The following MTUS2 variants were observed in gnomAD, a reference collection of about 807,000 sequenced individuals.
MTUS2 encodes the protein microtubule-associated tumor suppressor candidate 2.
A neutral mutation model predicts 114.1 loss-of-function variants in MTUS2; 40 were observed. The observed-to-expected ratio is 0.35, with a 90% CI of 0.27 to 0.46. The LOEUF (loss-of-function observed/expected upper bound fraction) is 0.46. Ranked by LOEUF, MTUS2 falls within the 20% of genes least tolerant of loss-of-function variation. The pLI is 1.00. For missense variants in MTUS2, 1,679 were observed against 1,705.4 expected, an observed-to-expected ratio of 0.98 and a Z score of 0.27; for synonymous variants, 688 against 672.0, an observed-to-expected ratio of 1.02 and a Z score of -0.37.
intron 4 of MTUS2, among the ~76,000 whole-genome samples, chr13:29,054,651 A>G (rs1009475846): frequency 1.3e-5 from 2 of 152,152 alleles, no homozygotes; most frequent in African/African-American, 2.4e-5. Flanking sequence ...TTAAGCTGGT[A>G]ACTTTTATGA....
At chr13:29,395,159 T>C (rs890300238) in intron 8 of MTUS2, among the ~76,000 whole-genome samples, 6 of 152,240 alleles carry the variant, frequency 3.9e-5, no homozygotes, top group African/African-American at 1.4e-4. Context: ...TGATGTCTTA[T>C]TGCTACAAAG....
At chr13:29,439,908 C>A in intron 8 of MTUS2, 75 bp from the exon 9 acceptor site, 1 of 1,109,840 alleles carries the variant, frequency 9.0e-7, no homozygotes, top group South Asian at 1.4e-5. Flanking sequence ...TAATACGATT[C>A]ATTAATTAAT....
chr13:28,865,119 A>G (rs111717640), intron 2 of MTUS2, among the ~76,000 whole-genome samples: 2 of 152,018 alleles, frequency 1.3e-5, no homozygotes, highest in African/African-American at 4.8e-5. Context: ...GGGGGTGTGT[A>G]TACACACACG....
At chr13:29,368,269 G>A (rs1413351110) in intron 8 of MTUS2, among the ~76,000 whole-genome samples, 4 of 151,712 alleles carry the variant, frequency 2.6e-5, no homozygotes, top group Non-Finnish European at 4.4e-5. Context: ...TGTATCACCT[G>A]TCCCACCCCC....
At chr13:29,280,444 A>T (rs988135733) in intron 5 of MTUS2, among the ~76,000 whole-genome samples, 2 of 152,204 alleles carry the variant, frequency 1.3e-5, no homozygotes, top group African/African-American at 4.8e-5. Context: ...GAAACAACAG[A>T]AATCTCCACA....
intron 10 of MTUS2, chr13:29,487,426 A>G (rs1881703605): frequency 6.4e-6 from 1 of 155,790 alleles, no homozygotes; most frequent in African/African-American, 2.4e-5. Flanking sequence ...GATATACTTC[A>G]TAAGGTGGCT....
rs544985243 is a variant in MTUS2 at position 28,890,876 on chromosome 13, A to C, written c.-243+51026A>C. Reference sequence around the variant, plus strand: ...CATTTGAGCCAGCTGTGTCTGTTAGAATAGCTTTTCATGGGGCAAGCTCCA... The same window carrying C: ...CATTTGAGCCAGCTGTGTCTGTTAGCATAGCTTTTCATGGGGCAAGCTCCA... On this transcript the variant is annotated intron_variant, in intron 2 of 15. Transcript: ENST00000612955. Among the ~76,000 whole-genome samples, 11 of 152,268 alleles carry C rather than the reference A, an allele frequency of 7.2e-5. No homozygotes were observed. In the East Asian group the frequency reaches 2.1e-3, roughly 29 times the overall value.
chr13:29,241,387 G>A (rs921236983), intron 5 of MTUS2, among the ~76,000 whole-genome samples: 3 of 152,140 alleles, frequency 2.0e-5, no homozygotes, highest in South Asian at 4.1e-4. Context: ...TTATAAGGAG[G>A]TATTCATTTA....
At chr13:29,403,217 C>G (rs1048864251) in intron 8 of MTUS2, among the ~76,000 whole-genome samples, 4 of 152,148 alleles carry the variant, frequency 2.6e-5, no homozygotes, top group Non-Finnish European at 5.9e-5. Context: ...TTGATAAGAA[C>G]TGGCCACTAC....
chr13:29,250,769 A>G (rs1319463671), intron 5 of MTUS2, among the ~76,000 whole-genome samples: 1 of 152,152 alleles, frequency 6.6e-6, no homozygotes, highest in Non-Finnish European at 1.5e-5. Flanking sequence ...CAAATTTAAC[A>G]TTATGGTTTG....
At chr13:29,489,977 CA>C (rs1156589103) in intron 11 of MTUS2, 2 of 152,198 alleles carry the variant, frequency 1.3e-5, no homozygotes, top group African/African-American at 4.8e-5. Context: ...TGGATTTTCA[CA>C]TAAATCTGGT....
In MTUS2 at chr13:29,317,690, G is replaced by A. The variant is rs1166991775; in HGVS notation, c.2807-6923G>A. Among the ~76,000 whole-genome samples, 5 of 11,160 alleles carry A rather than the reference G, an allele frequency of 4.5e-4. 2 individuals carry two copies. The highest frequency in any genetic ancestry group is 5.2e-4 in the Non-Finnish European group (2 of 3,816). The allele number at this position is 11,160 out of a possible 152,430, so 7.3% of individuals were successfully genotyped here. ...CCTGACCTCGTGATCCACCCGCCTC[G>A]GCCTCCCAAAGTGCTGGGATTACAG... On this transcript the variant is annotated intron_variant, in intron 6 of 15. Coordinates refer to ENST00000612955, the MANE Select transcript of MTUS2 (RefSeq NM_001033602.4).
intron 9 of MTUS2, among the ~76,000 whole-genome samples, chr13:29,457,076 C>T (rs1303996711): frequency 7.4e-5 from 11 of 149,268 alleles, no homozygotes; most frequent in Non-Finnish European, 1.5e-4. Flanking sequence ...ACCCAGGGGG[C>T]GGAGCTTGCA....
At chr13:29,219,078 C>T (rs1895799628) in intron 5 of MTUS2, among the ~76,000 whole-genome samples, 1 of 147,612 alleles carries the variant, frequency 6.8e-6, no homozygotes, top group Non-Finnish European at 1.5e-5. Context: ...CCCGCTAACT[C>T]GTCATCTAGC....
At chr13:29,064,905 G>A (rs1433036055) in intron 4 of MTUS2, among the ~76,000 whole-genome samples, 1 of 152,176 alleles carries the variant, frequency 6.6e-6, no homozygotes, top group African/African-American at 2.4e-5. Flanking sequence ...GTGTTAGTTT[G>A]CTAAGGAGAG....
At chr13:29,472,686 A>C (rs924511094) in intron 9 of MTUS2, among the ~76,000 whole-genome samples, 1 of 152,258 alleles carries the variant, frequency 6.6e-6, no homozygotes. Flanking sequence ...TGAAAAAAGC[A>C]AAATGATATA....
intron 5 of MTUS2, among the ~76,000 whole-genome samples, chr13:29,177,868 A>G (rs984401191): frequency 3.9e-5 from 6 of 152,168 alleles, no homozygotes; most frequent in African/African-American, 1.2e-4. Flanking sequence ...TCTGGAGTCA[A>G]GGAAACCCAC....
Position 29,235,508 on chromosome 13 carries a change from G to GC in MTUS2, c.2645-46195dup, listed in dbSNP as rs530911422. On this transcript the variant is annotated intron_variant, in intron 5 of 15. Transcript: ENST00000612955. The stretch of plus-strand genomic sequence containing the variant: ...GATGTTAAATTATTATCTCACTTGA[G>GC]CTTTATTGAGGATGCTTCTAGTATT... 1.3e-3 allele frequency among the ~76,000 whole-genome samples: 200 copies of GC among 152,202 alleles called. 1 individual carries two copies. Among genetic ancestry groups the GC allele is most frequent in the African/African-American group, 4.4e-3 (184 of 41,522 alleles).
chr13:29,298,694 A>C (rs1899057205), intron 6 of MTUS2, among the ~76,000 whole-genome samples: 1 of 152,196 alleles, frequency 6.6e-6, no homozygotes, highest in South Asian at 2.1e-4. Flanking sequence ...TGGCTACTGG[A>C]ATTGTGGTCC....
Sources: allele counts gnomAD v4.1 joint callset (sites outside exome capture counted in the v4.1 genomes callset), GRCh38; gene constraint gnomAD v4.1.1; transcripts MANE v1.5; gene names NCBI Gene and HGNC (gene_info 2026-07-23, HGNC 2026-07-21).